FBXL22: variants seen among roughly 807,000 people sequenced by gnomAD.
FBXL22 encodes the protein F-box and leucine rich repeat protein 22, also known as F-box and leucine-rich protein 22.
FBXL22 carries 13 observed loss-of-function variants against 11.7 expected under a neutral mutation model. That is an observed-to-expected ratio of 1.11 (90% confidence interval 0.73 to 1.77). FBXL22 has a LOEUF of 1.77. Ranked by LOEUF, FBXL22 falls within the 40% of genes most tolerant of loss-of-function variation. The pLI, the probability that FBXL22 is intolerant of heterozygous loss-of-function variation, is 0.00. For synonymous variants in FBXL22, 160 were observed against 144.1 expected, an observed-to-expected ratio of 1.11 and a Z score of -0.79; for missense variants, 406 against 320.4, an observed-to-expected ratio of 1.27 and a Z score of -2.04.
At chr15:63,603,933 C>T (rs2067400779), downstream of FBXL22, among the ~76,000 whole-genome samples, 1 of 152,220 alleles carries the variant, frequency 6.6e-6, no homozygotes, top group Non-Finnish European at 1.5e-5. Flanking sequence ...TCTCCCATTA[C>T]TCTGAACACT....
downstream of FBXL22, among the ~76,000 whole-genome samples, chr15:63,606,841 A>G (rs2067417981): frequency 6.6e-6 from 1 of 152,214 alleles, no homozygotes; most frequent in African/African-American, 2.4e-5. Context: ...ACCTGCAACC[A>G]TGAGTGCCAG....
Position 63,597,776 on chromosome 15 carries a change from GC to G in FBXL22, c.353+35del. ...CCACCTTGCCTCCTGAGCAGTGCTG[GC>G]CCCGCTAGCTCTGGCTTCCCTCTTG... On this transcript the variant is annotated intron_variant, in intron 1 of 1. Transcript: ENST00000638704. This position sits in a 1 kb window ranked among gnomAD's most constrained non-coding sequence, Gnocchi z 4.3. The G allele has an allele frequency of 6.5e-7, 1 of 1,531,308 alleles. No individual in the cohort carries two copies. Among genetic ancestry groups the G allele is most frequent in the Non-Finnish European group, 8.8e-7 (1 of 1,136,584 alleles). The allele number at this position is 1,531,308 out of a possible 1,614,324, so 94.9% of individuals were successfully genotyped here.
chr15:63,604,317 C>T (rs370621659), downstream of FBXL22, among the ~76,000 whole-genome samples: 23 of 152,124 alleles, frequency 1.5e-4, no homozygotes, highest in African/African-American at 4.6e-4. Context: ...CTGCATTCCC[C>T]GACAACCCCC....
chr15:63,599,942 C>T, intron 1 of FBXL22: 1 of 985,564 alleles, frequency 1.0e-6, no homozygotes, highest in African/African-American at 1.7e-5. Flanking sequence ...GTGACTGACA[C>T]GGCGATAAAC....
downstream of FBXL22, among the ~76,000 whole-genome samples, chr15:63,606,844 A>T (rs1226917447): frequency 6.6e-6 from 1 of 152,198 alleles, no homozygotes; most frequent in Non-Finnish European, 1.5e-5. Context: ...TGCAACCATG[A>T]GTGCCAGCCT....
intron 1 of FBXL22, chr15:63,600,313 G>C (rs981884747): frequency 9.8e-7 from 1 of 1,017,954 alleles, no homozygotes; most frequent in Admixed American, 5.9e-5. Flanking sequence ...TGGAGCAATC[G>C]CCAAGCACCG....
At chr15:63,603,684 G>A (rs1302982059), downstream of FBXL22, among the ~76,000 whole-genome samples, 1 of 152,220 alleles carries the variant, frequency 6.6e-6, no homozygotes, top group Non-Finnish European at 1.5e-5. Flanking sequence ...CAGCCCTTCT[G>A]GGGACTGCCA....
chr15:63,600,108 T>C, intron 1 of FBXL22: 3 of 985,730 alleles, frequency 3.0e-6, no homozygotes, highest in Non-Finnish European at 3.6e-6. Flanking sequence ...ACCCTACCCT[T>C]TTCCAGGCTG....
At chr15:63,607,060 T>A (rs866479998), downstream of FBXL22, among the ~76,000 whole-genome samples, 91 of 140,620 alleles carry the variant, frequency 6.5e-4, no homozygotes, top group South Asian at 0.019. Context: ...ACAGATGCTT[T>A]TTTTTTTTTT....
rs2067357006 is a variant in FBXL22 at position 63,600,796 on chromosome 15, G to A, written c.453G>A (p.Leu151=). 8.1e-7 allele frequency: 1 copy of A among 1,231,170 alleles called. No individual in the cohort carries two copies. The highest frequency in any genetic ancestry group is 1.0e-6 in the Non-Finnish European group (1 of 987,562). The allele number at this position is 1,231,170 out of a possible 1,614,324, so 76.3% of individuals were successfully genotyped here. The change falls in exon 2 of 2, where the codon CTG becomes CTA. Residue 151 remains leucine (L), a synonymous_variant. Coordinates refer to ENST00000638704, the MANE Select transcript of FBXL22 (RefSeq NM_001367807.1). Reference sequence around the variant, plus strand: ...GCTGCTGCCCACGCCTGCGCGCACTGCGCCTGGAGAACTGCGCGCGCGTCA... The same window carrying A: ...GCTGCTGCCCACGCCTGCGCGCACTACGCCTGGAGAACTGCGCGCGCGTCA... ...LLRCCPRLRA[L]RLENCARVTN... is the part of the protein sequence containing the mutation.
downstream of FBXL22, chr15:63,601,558 G>T: frequency 6.4e-7 from 1 of 1,561,700 alleles, no homozygotes; most frequent in Non-Finnish European, 8.7e-7. Flanking sequence ...GGTGATCTCG[G>T]TGAAGCAGGA....
downstream of FBXL22, among the ~76,000 whole-genome samples, chr15:63,605,537 A>G (rs1164350516): frequency 6.6e-6 from 1 of 152,168 alleles, no homozygotes; most frequent in East Asian, 1.9e-4. Flanking sequence ...ACAGGTTCCA[A>G]CCGTTAAGGA....
At chr15:63,598,717 G>A (rs2067314554) in intron 1 of FBXL22, among the ~76,000 whole-genome samples, 1 of 152,236 alleles carries the variant, frequency 6.6e-6, no homozygotes, top group African/African-American at 2.4e-5. Flanking sequence ...CACGACAGGA[G>A]TGGAAGGAAA....
chr15:63,598,996 G>A (rs2067320086), intron 1 of FBXL22, among the ~76,000 whole-genome samples: 1 of 152,190 alleles, frequency 6.6e-6, no homozygotes, highest in African/African-American at 2.4e-5. Context: ...GATCAAGCAA[G>A]GGGCCCTGCT....
chr15:63,600,106 CT>C, intron 1 of FBXL22: 3 of 985,772 alleles, frequency 3.0e-6, no homozygotes, highest in Non-Finnish European at 3.6e-6. Context: ...GAACCCTACC[CT>C]TTTCCAGGCT....
At chr15:63,608,033 C>T in the FBXL22 span, among the ~76,000 whole-genome samples, 2 of 152,234 alleles carry the variant, frequency 1.3e-5, no homozygotes, top group African/African-American at 4.8e-5. Context: ...ATATGAAAGC[C>T]ACTCATCAGT....
At chr15:63,601,491 C>A (rs768513595), downstream of FBXL22, 43 of 1,549,596 alleles carry the variant, frequency 2.8e-5, no homozygotes, top group Non-Finnish European at 3.6e-5. Flanking sequence ...AGCGACCCAG[C>A]GAGACCCCGC....
chr15:63,601,630 G>C (rs1378855062), downstream of FBXL22: 2 of 1,604,122 alleles, frequency 1.2e-6, no homozygotes, highest in Non-Finnish European at 1.7e-6. Flanking sequence ...TTGCGGTTTT[G>C]CCCGCACGCG....
downstream of FBXL22, chr15:63,601,483 C>CTGGGT: frequency 6.4e-7 from 1 of 1,550,644 alleles, no homozygotes; most frequent in Non-Finnish European, 8.7e-7. Flanking sequence ...CCGGGCGGAG[C>CTGGGT]GACCCAGCGA....
Sources: allele counts gnomAD v4.1 joint callset (sites outside exome capture counted in the v4.1 genomes callset), GRCh38; gene constraint gnomAD v4.1.1; non-coding constraint Gnocchi (gnomAD v3.1); transcripts MANE v1.5; gene names NCBI Gene and HGNC (gene_info 2026-07-23, HGNC 2026-07-21).